RNF150: variants seen among roughly 807,000 people sequenced by gnomAD.
RNF150 encodes ring finger protein 150.
In RNF150, 24 loss-of-function variants were observed where a neutral mutation model predicts 39.3. The ratio of observed to expected loss-of-function variants is 0.61; its 90% CI spans 0.44 to 0.86. RNF150 has a LOEUF of 0.86. RNF150 is among the 40% of genes least tolerant of loss of function. RNF150 has a pLI of 0.00. For synonymous variants in RNF150, 255 were observed against 227.3 expected, an observed-to-expected ratio of 1.12 and a Z score of -1.10; for missense variants, 502 against 587.8, an observed-to-expected ratio of 0.85 and a Z score of 1.51.
At chr4:141,170,515 G>T (rs534867954) in intron 1 of RNF150, among the ~76,000 whole-genome samples, 1 of 152,072 alleles carries the variant, frequency 6.6e-6, no homozygotes, top group Non-Finnish European at 1.5e-5. Flanking sequence ...GATATAGTTC[G>T]TATTCTGCTT....
At chr4:141,089,177 T>C (rs1218840900) in intron 1 of RNF150, among the ~76,000 whole-genome samples, 1 of 152,154 alleles carries the variant, frequency 6.6e-6, no homozygotes, top group Non-Finnish European at 1.5e-5. Flanking sequence ...AAATCTGACA[T>C]AGCAGGCAGA....
At chr4:141,211,033 C>G (rs927353325) in intron 1 of RNF150, among the ~76,000 whole-genome samples, 8 of 152,084 alleles carry the variant, frequency 5.3e-5, no homozygotes, top group African/African-American at 1.9e-4. Context: ...TAAAAGAATC[C>G]CAAAGACTTC....
intron 1 of RNF150, among the ~76,000 whole-genome samples, chr4:141,044,344 T>C (rs1416204759): frequency 2.0e-5 from 3 of 152,218 alleles, no homozygotes; most frequent in Non-Finnish European, 1.5e-5. Flanking sequence ...ACTTCCTAGC[T>C]GCAAATTCTA....
intron 6 of RNF150, among the ~76,000 whole-genome samples, chr4:140,894,513 C>G (rs2111234053): frequency 6.6e-6 from 1 of 152,196 alleles, no homozygotes; most frequent in East Asian, 1.9e-4. Flanking sequence ...ATAGTGAGCC[C>G]CATCCCCCAC....
chr4:141,067,421 G>A (rs1737504248), intron 1 of RNF150, among the ~76,000 whole-genome samples: 1 of 152,188 alleles, frequency 6.6e-6, no homozygotes, highest in Admixed American at 6.5e-5. Flanking sequence ...CTCCTGCAAT[G>A]AGTTGCCAGG....
intron 1 of RNF150, among the ~76,000 whole-genome samples, chr4:141,210,215 G>A (rs1451324939): frequency 6.6e-6 from 1 of 152,150 alleles, no homozygotes; most frequent in East Asian, 1.9e-4. Flanking sequence ...GTTTTAATCT[G>A]TGGACACTCT....
intron 1 of RNF150, among the ~76,000 whole-genome samples, chr4:141,004,443 A>C (rs1048011907): frequency 6.6e-6 from 1 of 152,186 alleles, no homozygotes; most frequent in African/African-American, 2.4e-5. Context: ...GGGAAGCAGA[A>C]GAAAAATGAA....
intron 1 of RNF150, among the ~76,000 whole-genome samples, chr4:141,099,428 G>A (rs891833796): frequency 3.9e-5 from 6 of 152,142 alleles, no homozygotes; most frequent in African/African-American, 1.4e-4. Flanking sequence ...AAAAGAAAGA[G>A]AAGAGACAGG....
intron 1 of RNF150, among the ~76,000 whole-genome samples, chr4:141,093,377 AAG>A (rs1491435084): frequency 4.5e-4 from 61 of 136,236 alleles, no homozygotes; most frequent in Middle Eastern, 3.5e-3. Flanking sequence ...AAAAAAAAAA[AAG>A]GGGGGGGAAA....
At chr4:140,885,382 A>T (rs1195698651) in intron 6 of RNF150, among the ~76,000 whole-genome samples, 3 of 139,996 alleles carry the variant, frequency 2.1e-5, no homozygotes, top group Non-Finnish European at 4.6e-5. Flanking sequence ...TATATATATT[A>T]TATATAATAT....
intron 1 of RNF150, among the ~76,000 whole-genome samples, chr4:141,206,031 C>T (rs1000979921): frequency 1.3e-4 from 20 of 152,292 alleles, no homozygotes; most frequent in African/African-American, 4.8e-4. Context: ...TCTTGCAGTG[C>T]CTGCTTCCTA....
chr4:140,911,381 T>C, intron 5 of RNF150, 27 bp from the exon 6 acceptor site: 2 of 1,579,986 alleles, frequency 1.3e-6, no homozygotes, highest in Non-Finnish European at 1.7e-6. Flanking sequence ...AGATCTGTTC[T>C]CAGTACATGT....
At chr4:141,147,289 T>C (rs2111134598) in intron 1 of RNF150, among the ~76,000 whole-genome samples, 1 of 152,366 alleles carries the variant, frequency 6.6e-6, no homozygotes, top group East Asian at 1.9e-4. Flanking sequence ...TGTTCCTGCT[T>C]GGCAGGTGGC....
intron 1 of RNF150, among the ~76,000 whole-genome samples, chr4:140,992,541 T>G (rs537204109): frequency 9.9e-5 from 15 of 152,182 alleles, no homozygotes; most frequent in African/African-American, 3.6e-4. Context: ...CCACTGCTGT[T>G]AGCGGGAGAG....
intron 1 of RNF150, among the ~76,000 whole-genome samples, chr4:141,179,079 A>G (rs1727862254): frequency 6.6e-6 from 1 of 152,202 alleles, no homozygotes; most frequent in African/African-American, 2.4e-5. Context: ...ATGTAGAAGA[A>G]TATAATGCAT....
intron 1 of RNF150, among the ~76,000 whole-genome samples, chr4:141,202,891 A>G (rs975401783): frequency 2.0e-5 from 3 of 151,936 alleles, no homozygotes; most frequent in Non-Finnish European, 4.4e-5. Flanking sequence ...AATACTTGCT[A>G]TAAAGAATAG....
chr4:141,058,157 T>C (rs114215237), intron 1 of RNF150, among the ~76,000 whole-genome samples: 2,584 of 152,262 alleles, frequency 0.017, 60 homozygotes, highest in African/African-American at 0.059. Context: ...TATTTCCTCA[T>C]ATATTGGAAT....
chr4:140,913,957 G>C (rs748192952), intron 5 of RNF150, among the ~76,000 whole-genome samples: 2 of 152,220 alleles, frequency 1.3e-5, no homozygotes, highest in Non-Finnish European at 2.9e-5. Context: ...AACTGTGGGA[G>C]AGGTTTTCAG....
At chr4:141,049,543 T>A (rs7657294) in intron 1 of RNF150, among the ~76,000 whole-genome samples, 31,393 of 151,938 alleles carry the variant, frequency 0.21, 3,324 homozygotes, top group Middle Eastern at 0.29. Context: ...GTGAAAAAAA[T>A]TAACACATTT....
Sources: gnomAD v4.1 joint callset for allele counts (sites outside exome capture counted in the v4.1 genomes callset) on GRCh38, gnomAD v4.1.1 for gene constraint, MANE v1.5 for transcripts, NCBI Gene and HGNC (gene_info 2026-07-23, HGNC 2026-07-21) for gene names.